RAB9B: variants seen among roughly 807,000 people sequenced by gnomAD.
RAB9B encodes ras-related protein Rab-9B.
A neutral mutation model predicts 8.9 loss-of-function variants in RAB9B; 1 was observed. The ratio of observed to expected loss-of-function variants is 0.11; its 90% CI spans 0.04 to 0.53. The LOEUF is 0.53. RAB9B is among the 20% of genes least tolerant of loss of function. The probability of loss-of-function intolerance (pLI) is 0.93; values close to 1 mark genes in which losing one functional copy is unlikely to be tolerated. For synonymous variants in RAB9B, 63 were observed against 57.0 expected, an observed-to-expected ratio of 1.10 and a Z score of -0.47; for missense variants, 82 against 152.9, an observed-to-expected ratio of 0.54 and a Z score of 2.45.
At chrX:103,800,247 AGTT>A in the RAB9B span, among the ~76,000 whole-genome samples, 1 of 103,707 alleles carries the variant, frequency 9.6e-6, no homozygotes, top group Admixed American at 1.1e-4. Flanking sequence ...TATCAAAACT[AGTT>A]GTGCTTTATT....
chrX:103,777,050 A>C, the RAB9B span: 2 of 1,118,579 alleles, frequency 1.8e-6, no homozygotes, highest in Non-Finnish European at 2.5e-6. Context: ...ACAGGAATTC[A>C]CAAGAGAATT....
the RAB9B span, among the ~76,000 whole-genome samples, chrX:103,802,291 A>G: frequency 9.2e-6 from 1 of 109,218 alleles, no homozygotes; most frequent in Non-Finnish European, 1.9e-5. Flanking sequence ...GTGAAGATAG[A>G]GAGAGAGGGA....
intron 1 of RAB9B, among the ~76,000 whole-genome samples, chrX:103,827,535 G>A (rs777068246): frequency 8.9e-6 from 1 of 111,926 alleles, no homozygotes; most frequent in Non-Finnish European, 1.9e-5. Flanking sequence ...CTGTCTCAAG[G>A]TTGTCTCTGC....
chrX:103,785,794 C>T, the RAB9B span: 3 of 1,154,350 alleles, frequency 2.6e-6, no homozygotes, highest in South Asian at 5.4e-5. Context: ...CCCACACAGA[C>T]CCATCTTTTT....
chrX:103,819,399 G>T (rs2074651364), downstream of RAB9B, among the ~76,000 whole-genome samples: 1 of 110,905 alleles, frequency 9.0e-6, no homozygotes, highest in Admixed American at 9.6e-5. Context: ...TGTTTAAAAA[G>T]ACATTTATAT....
At chrX:103,776,565 T>C in the RAB9B span, 1 of 152,452 alleles carries the variant, frequency 6.6e-6, no homozygotes, top group East Asian at 1.7e-4. Flanking sequence ...CAAGGATCAG[T>C]TGGAAGTTTC....
chrX:103,811,973 T>A, the RAB9B span, among the ~76,000 whole-genome samples: 5 of 108,175 alleles, frequency 4.6e-5, no homozygotes, highest in South Asian at 8.3e-4. Context: ...AAGAGAGGTC[T>A]CCTCTCTTTC....
chrX:103,803,891 A>T, the RAB9B span, among the ~76,000 whole-genome samples: 9 of 112,731 alleles, frequency 8.0e-5, no homozygotes, highest in South Asian at 1.5e-3. Context: ...TACATATTTT[A>T]GCTACCAGTT....
At chrX:103,788,981 A>G in the RAB9B span, 74 of 325,925 alleles carry the variant, frequency 2.3e-4, 1 homozygote, top group Non-Finnish European at 3.8e-4. Flanking sequence ...CAAATGAGGC[A>G]GGGGAATAAA....
At position 103,822,911 on chromosome X, in the gene RAB9B, G is replaced by C. The variant is rs1185010069; in HGVS notation, c.*2268C>G. ...TGGTAGAAAACAATGGTATGGCTAA[G>C]AGGAAAGGGGCTCCAGCTGATGGGC... On this transcript the variant is annotated 3_prime_UTR_variant, in exon 3 of 3. Transcript: ENST00000243298. 2 of 111,617 alleles carry C rather than the reference G, an allele frequency of 1.8e-5. No individual in the cohort carries two copies. The highest frequency in any genetic ancestry group is 3.8e-5 in the Non-Finnish European group (2 of 53,150). The allele number at this position is 111,617 out of a possible 1,213,427, so 9.2% of individuals were successfully genotyped here. A position where few individuals can be genotyped will look rare whatever the true frequency, so the allele number is the denominator to read the frequency against.
the RAB9B span, among the ~76,000 whole-genome samples, chrX:103,801,143 G>A: frequency 2.7e-5 from 3 of 110,912 alleles, no homozygotes; most frequent in African/African-American, 9.9e-5. Flanking sequence ...GTATGATGAT[G>A]TCTCCAGGAC....
rs978152651 is a variant in RAB9B at position 103,824,814 on chromosome X, G to C, written c.*365C>G. 10 of 117,416 alleles carry C rather than the reference G, an allele frequency of 8.5e-5. No individual in the cohort carries two copies. The highest frequency in any genetic ancestry group is 3.2e-4 in the African/African-American group (10 of 30,834). The allele number at this position is 117,416 out of a possible 1,213,427, so 9.7% of individuals were successfully genotyped here. A position where few individuals can be genotyped will look rare whatever the true frequency, so the allele number is the denominator to read the frequency against. On this transcript the variant is annotated 3_prime_UTR_variant, in exon 3 of 3. Transcript: ENST00000243298. ...TAGTGACATTTGTTAGTTGATTAAT[G>C]GAACACTTTAAGAAATAGTTGTAGC... is the stretch of plus-strand genomic sequence containing the variant.
At chrX:103,786,967 G>T in the RAB9B span, 2 of 423,307 alleles carry the variant, frequency 4.7e-6, no homozygotes, top group African/African-American at 5.0e-5. Context: ...GAGTTTTGTG[G>T]GATGCTTTGT....
chrX:103,786,663 T>G, the RAB9B span: 1 of 1,210,876 alleles, frequency 8.3e-7, no homozygotes, highest in Admixed American at 2.2e-5. Context: ...GAGGCCAACA[T>G]CAAGCTCATT....
At chrX:103,803,858 G>T in the RAB9B span, among the ~76,000 whole-genome samples, 1 of 112,720 alleles carries the variant, frequency 8.9e-6, no homozygotes, top group Non-Finnish European at 1.9e-5. Context: ...TTACAGGCGT[G>T]AGCCACCGCG....
chrX:103,820,185 A>G (rs2074654094), downstream of RAB9B, among the ~76,000 whole-genome samples: 1 of 112,465 alleles, frequency 8.9e-6, no homozygotes, highest in African/African-American at 3.2e-5. Context: ...TTTATAGCCT[A>G]CCAAGCTTAT....
chrX:103,785,754 G>A, the RAB9B span: 1 of 1,206,373 alleles, frequency 8.3e-7, no homozygotes, highest in Non-Finnish European at 1.1e-6. Flanking sequence ...AAGACTATGA[G>A]TATCTCATCA....
downstream of RAB9B, among the ~76,000 whole-genome samples, chrX:103,817,368 G>A (rs1329430710): frequency 9.0e-6 from 1 of 110,608 alleles, no homozygotes; most frequent in African/African-American, 3.3e-5. Context: ...CTCATAAGTG[G>A]GAGTCGAACA....
chrX:103,810,744 T>C, the RAB9B span, among the ~76,000 whole-genome samples: 1 of 111,717 alleles, frequency 9.0e-6, no homozygotes, highest in Non-Finnish European at 1.9e-5. Flanking sequence ...GAACACCTTC[T>C]TTTATTCCTT....
Sources: gnomAD v4.1 joint callset for allele counts (sites outside exome capture counted in the v4.1 genomes callset) on GRCh38, gnomAD v4.1.1 for gene constraint, MANE v1.5 for transcripts, NCBI Gene and HGNC (gene_info 2026-07-23, HGNC 2026-07-21) for gene names.